The following RALGAPA2 variants were observed in gnomAD, a reference collection of about 807,000 sequenced individuals.
The protein encoded by RALGAPA2 is ral GTPase-activating protein subunit alpha-2.
In RALGAPA2, 139 loss-of-function variants were observed where a neutral mutation model predicts 230.4. That is an observed-to-expected ratio of 0.60 (90% CI 0.53 to 0.69). RALGAPA2 has a LOEUF of 0.69. Among genes scored for constraint, RALGAPA2 ranks in the 30% least tolerant of loss-of-function variants. The pLI, the probability that RALGAPA2 is intolerant of heterozygous loss-of-function variation, is 0.00. For synonymous variants in RALGAPA2, 847 were observed against 837.8 expected (o/e 1.01, Z -0.19); for missense variants, 2,163 against 2,276.0 (o/e 0.95, Z 1.01).
chr20:20,666,374 A>T (rs6137092), intron 3 of RALGAPA2, among the ~76,000 whole-genome samples: 2,437 of 152,362 alleles, frequency 0.016, 94 homozygotes, highest in East Asian at 0.14. Flanking sequence ...CTACTAAAGC[A>T]TCTAAATATT....
At chr20:20,668,728 C>T (rs536370158) in intron 3 of RALGAPA2, among the ~76,000 whole-genome samples, 2 of 152,182 alleles carry the variant, frequency 1.3e-5, no homozygotes, top group Non-Finnish European at 2.9e-5. Context: ...TGGGTCTAAA[C>T]AGGTCCTGAG....
chr20:20,499,673 G>A (rs2062314920), intron 35 of RALGAPA2, among the ~76,000 whole-genome samples: 1 of 152,208 alleles, frequency 6.6e-6, no homozygotes, highest in Admixed American at 6.5e-5. Context: ...TCTGGCTGTA[G>A]TACTGCCACC....
At chr20:20,405,733 C>A (rs1408559982) in intron 38 of RALGAPA2, among the ~76,000 whole-genome samples, 1 of 152,150 alleles carries the variant, frequency 6.6e-6, no homozygotes, top group Non-Finnish European at 1.5e-5. Flanking sequence ...CCTGACTTCC[C>A]CTGCCTTTCT....
chr20:20,610,551 C>T (rs910754487), intron 14 of RALGAPA2, among the ~76,000 whole-genome samples: 2 of 152,152 alleles, frequency 1.3e-5, no homozygotes, highest in Admixed American at 1.3e-4. Flanking sequence ...ATCTTGTCCT[C>T]CCTCACTGGA....
chr20:20,412,703 A>G (rs2060086574), intron 37 of RALGAPA2, among the ~76,000 whole-genome samples: 1 of 152,184 alleles, frequency 6.6e-6, no homozygotes, highest in South Asian at 2.1e-4. Context: ...AATAAGAACT[A>G]CTATGTGAGA....
At chr20:20,460,560 T>A (rs965131051) in intron 37 of RALGAPA2, among the ~76,000 whole-genome samples, 2 of 152,186 alleles carry the variant, frequency 1.3e-5, no homozygotes, top group South Asian at 4.1e-4. Context: ...GACTTGACCA[T>A]AAGGGTCCAG....
intron 24 of RALGAPA2, among the ~76,000 whole-genome samples, chr20:20,539,460 T>A (rs2063581819): frequency 6.6e-6 from 1 of 152,192 alleles, no homozygotes; most frequent in Non-Finnish European, 1.5e-5. Context: ...CTTTATTAAT[T>A]TTGTGTTGAT....
intron 20 of RALGAPA2, among the ~76,000 whole-genome samples, chr20:20,574,474 G>C (rs2064756586): frequency 6.6e-6 from 1 of 152,096 alleles, no homozygotes; most frequent in African/African-American, 2.4e-5. Flanking sequence ...TTTGTTCTTT[G>C]GATACCTGTT....
At position 20,538,637 on chromosome 20, in the gene RALGAPA2, TC is replaced by T. The variant is rs892275427; in HGVS notation, c.3286-1854del. 2.6e-5 allele frequency among the ~76,000 whole-genome samples: 4 copies of T among 152,188 alleles called. No individual in the cohort carries two copies. In the East Asian group the frequency reaches 7.7e-4, roughly 29 times the overall value. On this transcript the variant is annotated intron_variant, in intron 24 of 39. Coordinates refer to ENST00000202677, the MANE Select transcript of RALGAPA2 (RefSeq NM_020343.4). ...TGAACCTGGCTTTCTTCCTTCCCTT[TC>T]CCCCAAAGTATCTGGGGAGATTACT...
intron 37 of RALGAPA2, among the ~76,000 whole-genome samples, chr20:20,465,755 G>A (rs2061408431): frequency 6.6e-6 from 1 of 152,142 alleles, no homozygotes; most frequent in East Asian, 1.9e-4. Flanking sequence ...CAAGAGTGGA[G>A]GGCAGCTCCT....
At chr20:20,667,147 A>G (rs1424339528) in intron 3 of RALGAPA2, among the ~76,000 whole-genome samples, 1 of 152,232 alleles carries the variant, frequency 6.6e-6, no homozygotes, top group East Asian at 1.9e-4. Context: ...AATGCTACAG[A>G]GAGTGAAAAT....
At chr20:20,416,605 G>A (rs997301584) in intron 37 of RALGAPA2, among the ~76,000 whole-genome samples, 2 of 152,162 alleles carry the variant, frequency 1.3e-5, no homozygotes. Flanking sequence ...TAACCAACCC[G>A]CAACGTAAAC....
intron 35 of RALGAPA2, among the ~76,000 whole-genome samples, chr20:20,499,984 A>C (rs1602557231): frequency 1.3e-5 from 2 of 152,356 alleles, no homozygotes; most frequent in East Asian, 1.9e-4. Flanking sequence ...AGCAGTGTGC[A>C]TAAAACTTAT....
intron 3 of RALGAPA2, among the ~76,000 whole-genome samples, chr20:20,664,235 G>C (rs913078512): frequency 1.3e-5 from 2 of 152,168 alleles, no homozygotes; most frequent in African/African-American, 4.8e-5. Context: ...GTAGTAAAAT[G>C]TGATATTCAA....
At chr20:20,693,591 G>A (rs2068994732) in intron 1 of RALGAPA2, among the ~76,000 whole-genome samples, 1 of 152,186 alleles carries the variant, frequency 6.6e-6, no homozygotes, top group African/African-American at 2.4e-5. Flanking sequence ...GGAAAGTGAT[G>A]AGGAGAGTGT....
intron 36 of RALGAPA2, among the ~76,000 whole-genome samples, chr20:20,480,472 A>G (rs188390413): frequency 6.6e-6 from 1 of 152,258 alleles, no homozygotes; most frequent in East Asian, 1.9e-4. Flanking sequence ...CTTTTTTCCT[A>G]TCCCTATGAT....
At chr20:20,547,661 G>T (rs2063810352) in intron 23 of RALGAPA2, among the ~76,000 whole-genome samples, 1 of 152,196 alleles carries the variant, frequency 6.6e-6, no homozygotes, top group Non-Finnish European at 1.5e-5. Context: ...GTGTGTGTGT[G>T]TAACAGGAAT....
intron 33 of RALGAPA2, among the ~76,000 whole-genome samples, chr20:20,507,806 A>C (rs1276880601): frequency 6.6e-6 from 1 of 152,234 alleles, no homozygotes; most frequent in African/African-American, 2.4e-5. Context: ...CAAGAGCTAT[A>C]AAAATTTGGG....
Position 20,710,813 on chromosome 20 carries a change from C to T in RALGAPA2, c.106+1562G>A, listed in dbSNP as rs573236032. Among the ~76,000 whole-genome samples the T allele has an allele frequency of 3.4e-4, 52 of 152,258 alleles. No individual in the cohort carries two copies. In the South Asian group the frequency reaches 7.3e-3, roughly 21 times the overall value. Reference sequence around the variant, plus strand: ...GCCAACTTAATCTTGCAGACCTGGACAGAACAAAAATTTAAACGCTAAAGC... The same window carrying T: ...GCCAACTTAATCTTGCAGACCTGGATAGAACAAAAATTTAAACGCTAAAGC... On this transcript the variant is annotated intron_variant, in intron 1 of 39. Transcript: ENST00000202677.
Sources: gnomAD v4.1 joint callset for allele counts (sites outside exome capture counted in the v4.1 genomes callset) on GRCh38, gnomAD v4.1.1 for gene constraint, MANE v1.5 for transcripts, NCBI Gene and HGNC (gene_info 2026-07-23, HGNC 2026-07-21) for gene names.